Variants in EVI5 observed in about 807,000 individuals in gnomAD.
The protein encoded by EVI5 is ecotropic viral integration site 5 protein homolog.
In EVI5, 73 loss-of-function variants were observed where a neutral mutation model predicts 112.0. That is an observed-to-expected ratio of 0.65 (90% CI 0.54 to 0.79). The LOEUF is 0.79. EVI5 is among the 30% of genes least tolerant of loss of function. The pLI, the probability that EVI5 is intolerant of heterozygous loss-of-function variation, is 0.00. For synonymous variants in EVI5, 305 were observed against 319.9 expected, an observed-to-expected ratio of 0.95 and a Z score of 0.50; for missense variants, 900 against 968.8, an observed-to-expected ratio of 0.93 and a Z score of 0.94.
At position 92,666,012 on chromosome 1, in the gene EVI5, T is replaced by A; in HGVS notation, c.1159-20A>T. Reference sequence around the variant, plus strand: ...TAACCTCTGCCAAGAAAAAAAAAGTTTTATTTGCAAGCATTTTTGAGAGGA... The same window carrying A: ...TAACCTCTGCCAAGAAAAAAAAAGTATTATTTGCAAGCATTTTTGAGAGGA... On this transcript the variant is annotated intron_variant, in intron 10 of 19. Coordinates refer to ENST00000684568, the MANE Select transcript of EVI5 (RefSeq NM_001350197.2). 1 of 1,562,006 alleles carries A rather than the reference T, an allele frequency of 6.4e-7. No homozygotes were observed. Among genetic ancestry groups the A allele is most frequent in the South Asian group, 1.2e-5 (1 of 84,806 alleles).
rs1321407113 is a variant in EVI5 at position 92,777,354 on chromosome 1, CAA to C, written c.-82+7480_-82+7481del. ...AGACCCCTTGCAGAGATCTACAGCC[CAA>C]TCCATTTCTCCAGGCACTCATCTCC... On this transcript the variant is annotated intron_variant, in intron 1 of 19. Transcript: ENST00000684568. Among the ~76,000 whole-genome samples the C allele has an allele frequency of 3.3e-5, 5 of 152,166 alleles. No individual in the cohort carries two copies. The East Asian group carries it at 9.6e-4, about 29-fold the overall frequency.
At chr1:92,516,270 GA>G (rs2101654896) in intron 19 of EVI5, among the ~76,000 whole-genome samples, 1 of 152,288 alleles carries the variant, frequency 6.6e-6, no homozygotes, top group East Asian at 1.9e-4. Context: ...TATGGCAGAA[GA>G]ACCACAACTT....
Position 92,644,106 on chromosome 1 carries a change from C to T in EVI5, c.1393-7770G>A, listed in dbSNP as rs549819018. Among the ~76,000 whole-genome samples, 16 of 152,282 alleles carry T rather than the reference C, an allele frequency of 1.1e-4. No homozygotes were observed. The South Asian group carries it at 3.3e-3, about 32-fold the overall frequency. On this transcript the variant is annotated intron_variant, in intron 13 of 19. Transcript: ENST00000684568. ...GTACAAAAATATTTCCAACAGATCA[C>T]TTAATAGTGGCAAACATGAAATCAT...
At chr1:92,776,635 C>CTT (rs770829382) in intron 1 of EVI5, among the ~76,000 whole-genome samples, 6 of 137,720 alleles carry the variant, frequency 4.4e-5, no homozygotes, top group African/African-American at 8.0e-5. Flanking sequence ...ACCATCATGA[C>CTT]TTTTTTTTTT....
At chr1:92,777,546 G>A (rs1684312438) in intron 1 of EVI5, among the ~76,000 whole-genome samples, 1 of 152,138 alleles carries the variant, frequency 6.6e-6, no homozygotes, top group African/African-American at 2.4e-5. Flanking sequence ...CTAAAGAAAT[G>A]ATATCTTGAC....
At chr1:92,734,054 G>A (rs182214459) in intron 2 of EVI5, among the ~76,000 whole-genome samples, 2 of 152,284 alleles carry the variant, frequency 1.3e-5, no homozygotes, top group African/African-American at 4.8e-5. Context: ...CTAGCATCAT[G>A]GGGGCCGGAA....
chr1:92,694,098 C>G (rs1351521879), intron 8 of EVI5, among the ~76,000 whole-genome samples, 199 bp from the exon 9 acceptor site: 1 of 151,914 alleles, frequency 6.6e-6, no homozygotes, highest in African/African-American at 2.4e-5. Flanking sequence ...CCTGTTTCTA[C>G]TAAAAATACA....
intron 1 of EVI5, among the ~76,000 whole-genome samples, chr1:92,767,817 C>T (rs1041219511): frequency 3.3e-5 from 5 of 152,162 alleles, no homozygotes; most frequent in African/African-American, 9.7e-5. Context: ...CAGTGGTTCA[C>T]GCCTGTAATC....
At chr1:92,637,385 A>G (rs1659095571) in intron 13 of EVI5, among the ~76,000 whole-genome samples, 1 of 151,968 alleles carries the variant, frequency 6.6e-6, no homozygotes, top group Non-Finnish European at 1.5e-5. Flanking sequence ...TCTCAAGAAA[A>G]AAAAAAAAAA....
chr1:92,682,528 G>T (rs949275625), intron 9 of EVI5, among the ~76,000 whole-genome samples: 1 of 152,130 alleles, frequency 6.6e-6, no homozygotes, highest in Non-Finnish European at 1.5e-5. Context: ...TTGGGAGGCC[G>T]AGGTGGGTGG....
intron 1 of EVI5, among the ~76,000 whole-genome samples, chr1:92,738,467 T>C (rs1391330334): frequency 1.3e-5 from 2 of 152,206 alleles, no homozygotes; most frequent in Non-Finnish European, 2.9e-5. Context: ...ACATTTTCAT[T>C]ATATTAAACT....
chr1:92,552,433 T>C (rs1352561341), intron 19 of EVI5, among the ~76,000 whole-genome samples: 2 of 152,198 alleles, frequency 1.3e-5, no homozygotes, highest in African/African-American at 2.4e-5. Context: ...GCCAACCACA[T>C]AGTCTTTATC....
At chr1:92,759,836 T>G (rs1681528283) in intron 1 of EVI5, among the ~76,000 whole-genome samples, 1 of 150,374 alleles carries the variant, frequency 6.7e-6, no homozygotes, top group Admixed American at 6.6e-5. Context: ...ATAATATTCA[T>G]ATTCATACAT....
At chr1:92,779,438 C>T (rs1684579315) in intron 1 of EVI5, among the ~76,000 whole-genome samples, 1 of 151,866 alleles carries the variant, frequency 6.6e-6, no homozygotes, top group South Asian at 2.1e-4. Flanking sequence ...CGGGGAATCG[C>T]TTGTACCCGG....
chr1:92,714,677 A>C lies in EVI5; in HGVS notation c.150-9933T>G, dbSNP rs183945260. On this transcript the variant is annotated intron_variant, in intron 2 of 19. Transcript: ENST00000684568. ...TGATCAGAGCTCACTGCAACCTTAAATTTCTGGGCTACAGCAATACTTCTG... is the reference window on the plus strand; with the variant it reads ...TGATCAGAGCTCACTGCAACCTTAACTTTCTGGGCTACAGCAATACTTCTG... 2.7e-4 allele frequency among the ~76,000 whole-genome samples: 41 copies of C among 152,156 alleles called. No individual in the cohort carries two copies. The East Asian group carries it at 5.8e-3, about 22-fold the overall frequency.
chr1:92,557,275 C>T (rs1571520091), intron 19 of EVI5, among the ~76,000 whole-genome samples: 1 of 151,048 alleles, frequency 6.6e-6, no homozygotes, highest in African/African-American at 2.4e-5. Flanking sequence ...GCTTACATTT[C>T]TCTTTTTTCT....
At chr1:92,634,533 G>C (rs542147481) in intron 14 of EVI5, among the ~76,000 whole-genome samples, 269 of 152,096 alleles carry the variant, frequency 1.8e-3, no homozygotes, top group African/African-American at 6.1e-3. Context: ...GCTCCATCAG[G>C]TCCTTTAAGG....
intron 19 of EVI5, among the ~76,000 whole-genome samples, chr1:92,522,537 G>A (rs1257538312): frequency 7.0e-6 from 1 of 143,554 alleles, no homozygotes; most frequent in Non-Finnish European, 1.5e-5. Context: ...GCGGGAGGCT[G>A]AGGCAGAACT....
intron 9 of EVI5, among the ~76,000 whole-genome samples, chr1:92,689,015 T>C (rs1669036016): frequency 6.6e-6 from 1 of 151,914 alleles, no homozygotes; most frequent in African/African-American, 2.4e-5. Context: ...GTCAAAGCAG[T>C]ATGAAGTAGA....
Sources: gnomAD v4.1 joint callset for allele counts (sites outside exome capture counted in the v4.1 genomes callset) on GRCh38, gnomAD v4.1.1 for gene constraint, MANE v1.5 for transcripts, NCBI Gene and HGNC (gene_info 2026-07-23, HGNC 2026-07-21) for gene names.